Variants in BLTP2 observed in about 807,000 individuals in gnomAD.
BLTP2 encodes U937-associated antigen.
chr17:28,635,593 C>T, the BLTP2 span: 1 of 1,613,240 alleles, frequency 6.2e-7, no homozygotes, highest in Non-Finnish European at 8.5e-7. Flanking sequence ...TAAGGTCAGC[C>T]CTGCACCACA....
chr17:28,644,860 C>T, the BLTP2 span: 2 of 778,718 alleles, frequency 2.6e-6, no homozygotes, highest in Non-Finnish European at 4.1e-6. Flanking sequence ...GCGCCCCCTC[C>T]CTCCACCCTA....
At chr17:28,635,444 G>A in the BLTP2 span, 1 of 1,614,166 alleles carries the variant, frequency 6.2e-7, no homozygotes, top group Non-Finnish European at 8.5e-7. Context: ...CGGCCTTCTA[G>A]CTCAGAAGTA....
the BLTP2 span, chr17:28,620,419 G>C: frequency 1.4e-6 from 2 of 1,455,152 alleles, no homozygotes; most frequent in Admixed American, 3.9e-5. Flanking sequence ...TCAGTGTGAA[G>C]CATGGCTTTT....
chr17:28,617,621 G>A, the BLTP2 span, among the ~76,000 whole-genome samples: 12 of 152,292 alleles, frequency 7.9e-5, no homozygotes, highest in Admixed American at 2.0e-4. Context: ...TACGTCAATG[G>A]CAGAAAAGCT....
the BLTP2 span, chr17:28,637,261 A>T: frequency 1.0e-6 from 1 of 995,230 alleles, no homozygotes; most frequent in South Asian, 1.4e-5. Flanking sequence ...TCCCTTAACT[A>T]TCTTTATTCC....
At chr17:28,644,735 A>G in the BLTP2 span, among the ~76,000 whole-genome samples, 1 of 152,070 alleles carries the variant, frequency 6.6e-6, no homozygotes, top group East Asian at 1.9e-4. Context: ...ACTCCTATTC[A>G]GTTCCTGGCC....
At chr17:28,615,603 T>C in the BLTP2 span, 1 of 1,581,768 alleles carries the variant, frequency 6.3e-7, no homozygotes, top group East Asian at 2.2e-5. Flanking sequence ...GAAAGGCTCC[T>C]GAAAAGAGGA....
the BLTP2 span, chr17:28,623,641 A>C: frequency 1.2e-6 from 1 of 823,496 alleles, no homozygotes; most frequent in Middle Eastern, 2.6e-4. Context: ...TCAAGGTGTT[A>C]TTAGCCTCAT....
the BLTP2 span, chr17:28,621,115 C>G: frequency 1.2e-6 from 2 of 1,614,112 alleles, no homozygotes; most frequent in South Asian, 2.2e-5. Context: ...AGTTGCAACG[C>G]GAAATGATCC....
chr17:28,622,452 C>T, the BLTP2 span, among the ~76,000 whole-genome samples: 1 of 152,288 alleles, frequency 6.6e-6, no homozygotes, highest in East Asian at 1.9e-4. Flanking sequence ...TTTATCCCCA[C>T]TAAGTAGAAC....
At chr17:28,631,443 T>C in the BLTP2 span, 1 of 1,580,140 alleles carries the variant, frequency 6.3e-7, no homozygotes, top group Non-Finnish European at 8.7e-7. Context: ...CCTACTAATA[T>C]AAATAAGGTA....
the BLTP2 span, chr17:28,642,588 T>C: frequency 3.5e-6 from 2 of 564,324 alleles, no homozygotes; most frequent in Non-Finnish European, 6.3e-6. Context: ...GAGGCGGAGC[T>C]TGCAGTGAGC....
the BLTP2 span, chr17:28,643,432 T>C: frequency 7.0e-7 from 1 of 1,428,968 alleles, no homozygotes; most frequent in Non-Finnish European, 9.7e-7. Flanking sequence ...AGAGATTAGT[T>C]TCATAGCAGT....
the BLTP2 span, chr17:28,640,070 T>C: frequency 1.2e-6 from 2 of 1,600,504 alleles, no homozygotes; most frequent in Non-Finnish European, 1.7e-6. Context: ...GGAATGCCAT[T>C]CCTACTTCTT....
At chr17:28,625,831 T>A in the BLTP2 span, among the ~76,000 whole-genome samples, 1 of 152,148 alleles carries the variant, frequency 6.6e-6, no homozygotes, top group Non-Finnish European at 1.5e-5. Flanking sequence ...AATGGCGCAA[T>A]CTCGGCTCAC....
At chr17:28,639,221 C>T in the BLTP2 span, 1 of 1,318,874 alleles carries the variant, frequency 7.6e-7, no homozygotes, top group East Asian at 2.3e-5. Flanking sequence ...GGTCAAACAA[C>T]CAAATACATA....
At chr17:28,622,132 G>A in the BLTP2 span, among the ~76,000 whole-genome samples, 1 of 152,144 alleles carries the variant, frequency 6.6e-6, no homozygotes, top group South Asian at 2.1e-4. Context: ...AAGAAGGCAT[G>A]CCTAAAAGCA....
chr17:28,628,697 G>A, the BLTP2 span: 2 of 689,600 alleles, frequency 2.9e-6, no homozygotes, highest in Admixed American at 5.8e-5. Context: ...CACTTTGGGA[G>A]GCCGAAGTGG....
the BLTP2 span, chr17:28,639,991 G>A: frequency 6.2e-7 from 1 of 1,614,050 alleles, no homozygotes; most frequent in Non-Finnish European, 8.5e-7. Context: ...CGGTGGTACA[G>A]GAACTGCAGC....
Sources: gnomAD v4.1 joint callset for allele counts (sites outside exome capture counted in the v4.1 genomes callset) on GRCh38, gnomAD v4.1.1 for gene constraint, MANE v1.5 for transcripts, NCBI Gene and HGNC (gene_info 2026-07-23, HGNC 2026-07-21) for gene names.